CCBE1: variants seen among roughly 807,000 people sequenced by gnomAD.
CCBE1 encodes the protein collagen and calcium binding EGF domains 1.
A neutral mutation model predicts 50.0 loss-of-function variants in CCBE1; 37 were observed. That is an observed-to-expected ratio of 0.74 (90% confidence interval 0.57 to 0.97). The LOEUF is 0.97. CCBE1 is among the 50% of genes least tolerant of loss of function. CCBE1 has a pLI of 0.00. For synonymous variants in CCBE1, 234 were observed against 203.7 expected (o/e 1.15, Z -1.27); for missense variants, 538 against 523.8 (o/e 1.03, Z -0.26).
At chr18:59,500,336 A>G (rs1225420601) in intron 2 of CCBE1, among the ~76,000 whole-genome samples, 1 of 152,234 alleles carries the variant, frequency 6.6e-6, no homozygotes, top group African/African-American at 2.4e-5. Flanking sequence ...GCACTGTTAC[A>G]GAAAAGTTGA....
At chr18:59,619,324 A>G (rs886675990) in intron 2 of CCBE1, among the ~76,000 whole-genome samples, 14 of 152,110 alleles carry the variant, frequency 9.2e-5, no homozygotes, top group African/African-American at 3.1e-4. Context: ...TTTGTTTTTT[A>G]GAGACGGAGT....
intron 2 of CCBE1, among the ~76,000 whole-genome samples, chr18:59,692,826 A>C (rs186961971): frequency 6.6e-6 from 1 of 152,262 alleles, no homozygotes. Flanking sequence ...CCGGCAGGGC[A>C]GAGAGGCACC....
At chr18:59,446,831 A>G (rs558848743) in intron 7 of CCBE1, among the ~76,000 whole-genome samples, 19 of 152,308 alleles carry the variant, frequency 1.2e-4, no homozygotes, top group African/African-American at 4.1e-4. Flanking sequence ...TTCTATTTGC[A>G]TATGCTCTAT....
At chr18:59,565,258 A>G (rs2052804392) in intron 2 of CCBE1, among the ~76,000 whole-genome samples, 1 of 152,222 alleles carries the variant, frequency 6.6e-6, no homozygotes, top group Non-Finnish European at 1.5e-5. Context: ...GCTGGGGTTT[A>G]GTCAGATGAA....
intron 2 of CCBE1, among the ~76,000 whole-genome samples, chr18:59,495,073 G>A (rs775841815): frequency 6.6e-6 from 1 of 150,712 alleles, no homozygotes; most frequent in Non-Finnish European, 1.5e-5. Context: ...ACTGGGAGGC[G>A]AAGGTTGCAG....
Position 59,650,483 on chromosome 18 carries a change from G to A in CCBE1, c.212+46146C>T, listed in dbSNP as rs572684637. Among the ~76,000 whole-genome samples the A allele has an allele frequency of 1.1e-4, 17 of 151,732 alleles. No homozygotes were observed. In the South Asian group the frequency reaches 1.7e-3, roughly 15 times the overall value. Reference sequence around the variant, plus strand: ...CGTGACTGGGTTCAGAAAGTCTGGCGCGTTAAAAGGTACCTAATCCTGTTA... The same window carrying A: ...CGTGACTGGGTTCAGAAAGTCTGGCACGTTAAAAGGTACCTAATCCTGTTA... On this transcript the variant is annotated intron_variant, in intron 2 of 10. Transcript: ENST00000439986.
At chr18:59,693,942 G>GCTCAC (rs1451070552) in intron 2 of CCBE1, among the ~76,000 whole-genome samples, 1 of 123,520 alleles carries the variant, frequency 8.1e-6, no homozygotes, top group East Asian at 2.8e-4. Context: ...CGAGATCTCA[G>GCTCAC]CTCACTGCAA....
intron 2 of CCBE1, among the ~76,000 whole-genome samples, chr18:59,623,150 C>A (rs2053734835): frequency 6.6e-6 from 1 of 152,162 alleles, no homozygotes; most frequent in Non-Finnish European, 1.5e-5. Flanking sequence ...TGGGAAATCA[C>A]TATTTCTTCC....
chr18:59,443,954 A>T (rs984003361), intron 7 of CCBE1, among the ~76,000 whole-genome samples: 1 of 152,296 alleles, frequency 6.6e-6, no homozygotes, highest in South Asian at 2.1e-4. Context: ...TATGAGTTTA[A>T]TTATTTTAGA....
intron 2 of CCBE1, among the ~76,000 whole-genome samples, chr18:59,562,218 T>C (rs768572007): frequency 3.3e-5 from 5 of 152,174 alleles, no homozygotes; most frequent in Non-Finnish European, 7.4e-5. Flanking sequence ...TGTATATACA[T>C]ACATGCAAAC....
chr18:59,453,566 C>T (rs904122841), intron 6 of CCBE1, among the ~76,000 whole-genome samples: 2 of 152,208 alleles, frequency 1.3e-5, no homozygotes, highest in African/African-American at 2.4e-5. Context: ...CATTTCTCTT[C>T]TCAGCCTGTT....
intron 2 of CCBE1, among the ~76,000 whole-genome samples, chr18:59,613,267 C>T (rs76184203): frequency 0.012 from 1,790 of 152,130 alleles, 38 homozygotes; most frequent in African/African-American, 0.041. Flanking sequence ...CCAGTTAAGC[C>T]GTGTCAAGGT....
chr18:59,626,396 T>TG (rs2144616950), intron 2 of CCBE1, among the ~76,000 whole-genome samples: 1 of 152,220 alleles, frequency 6.6e-6, no homozygotes, highest in Admixed American at 6.5e-5. Context: ...GCAGCTGACA[T>TG]GGGGGTATTT....
intron 2 of CCBE1, among the ~76,000 whole-genome samples, chr18:59,538,416 G>A (rs975997597): frequency 2.0e-5 from 3 of 152,262 alleles, no homozygotes; most frequent in South Asian, 2.1e-4. Flanking sequence ...TTGAAAAGGC[G>A]CGATGCAATG....
At chr18:59,696,820 G>C in intron 1 of CCBE1, 111 bp from the exon 2 acceptor site, 3 of 1,200,522 alleles carry the variant, frequency 2.5e-6, no homozygotes, top group Non-Finnish European at 3.6e-6. Flanking sequence ...CCGTCCCGGC[G>C]CTCTGGGCAG....
chr18:59,596,027 A>G (rs902223630), intron 2 of CCBE1, among the ~76,000 whole-genome samples: 1 of 152,258 alleles, frequency 6.6e-6, no homozygotes, highest in African/African-American at 2.4e-5. Context: ...GGTAGTGCCT[A>G]TTGTCTAGGA....
At chr18:59,538,824 G>C (rs79028698) in intron 2 of CCBE1, among the ~76,000 whole-genome samples, 3,342 of 152,272 alleles carry the variant, frequency 0.022, 111 homozygotes, top group African/African-American at 0.075. Flanking sequence ...TTGGAGGGTA[G>C]GGACTTATTT....
intron 2 of CCBE1, among the ~76,000 whole-genome samples, chr18:59,558,678 G>C (rs927745570): frequency 2.0e-5 from 3 of 152,160 alleles, no homozygotes; most frequent in Admixed American, 6.5e-5. Flanking sequence ...CAGAGAACGA[G>C]AGAGCCAAAG....
intron 2 of CCBE1, among the ~76,000 whole-genome samples, chr18:59,649,928 G>A (rs906575693): frequency 1.3e-5 from 2 of 152,152 alleles, no homozygotes; most frequent in East Asian, 1.9e-4. Flanking sequence ...CCATGGAAGA[G>A]CATCTTCAAG....
Sources: allele counts gnomAD v4.1 joint callset (sites outside exome capture counted in the v4.1 genomes callset), GRCh38; gene constraint gnomAD v4.1.1; transcripts MANE v1.5; gene names NCBI Gene and HGNC (gene_info 2026-07-23, HGNC 2026-07-21).